Variants in XKR4 observed in about 807,000 individuals in gnomAD.
XKR4 encodes XK-related protein 4.
Under a neutral mutation model 53.9 loss-of-function variants are expected in XKR4, and 12 were observed. The ratio of observed to expected loss-of-function variants is 0.22; its 90% CI spans 0.14 to 0.36. The LOEUF (loss-of-function observed/expected upper bound fraction) is 0.36, where lower values mean the gene tolerates loss of function less well. Among genes scored for constraint, XKR4 ranks in the 10% least tolerant of loss-of-function variants. The pLI, the probability that XKR4 is intolerant of heterozygous loss-of-function variation, is 1.00. For synonymous variants in XKR4, 354 were observed against 362.4 expected (o/e 0.98, Z 0.26); for missense variants, 799 against 859.5 (o/e 0.93, Z 0.88).
At chr8:55,361,025 CA>C (rs1318600979) in intron 2 of XKR4, among the ~76,000 whole-genome samples, 1 of 152,208 alleles carries the variant, frequency 6.6e-6, no homozygotes, top group Non-Finnish European at 1.5e-5. Flanking sequence ...CCTGAATATG[CA>C]GCTCTTCACG....
chr8:55,264,538 C>T (rs188171128), intron 1 of XKR4, among the ~76,000 whole-genome samples: 16 of 152,330 alleles, frequency 1.1e-4, no homozygotes, highest in Admixed American at 2.0e-4. Flanking sequence ...TTCACTGGCT[C>T]TTCTCCAGAT....
At chr8:55,273,784 A>G (rs933878202) in intron 1 of XKR4, among the ~76,000 whole-genome samples, 8 of 152,176 alleles carry the variant, frequency 5.3e-5, no homozygotes, top group Non-Finnish European at 8.8e-5. Context: ...ATACTCTGGG[A>G]GACTGATTTG....
chr8:55,450,925 C>A, intron 2 of XKR4: 1 of 487,756 alleles, frequency 2.1e-6, no homozygotes, highest in Non-Finnish European at 3.9e-6. Context: ...ATCAGCCACT[C>A]TGAGTCCTCC....
intron 1 of XKR4, among the ~76,000 whole-genome samples, chr8:55,173,978 A>C (rs767173925): frequency 6.6e-6 from 1 of 152,242 alleles, no homozygotes; most frequent in Non-Finnish European, 1.5e-5. Flanking sequence ...GGATGTGAGC[A>C]TTTGAAGCAT....
At position 55,257,460 on chromosome 8, in the gene XKR4, G is replaced by C. The variant is rs56976450; in HGVS notation, c.807-100218G>C. ...GAGGGGAGAAAATGAGAGAGAGAGA[G>C]AGAGAAAGAGAGAGAAAGGGCATGT... On this transcript the variant is annotated intron_variant, in intron 1 of 2. Coordinates refer to ENST00000327381, the MANE Select transcript of XKR4 (RefSeq NM_052898.2). Among the ~76,000 whole-genome samples, 390 of 151,942 alleles carry C rather than the reference G, an allele frequency of 2.6e-3. 2 individuals carry two copies. Among genetic ancestry groups the C allele is most frequent in the African/African-American group, 8.8e-3 (365 of 41,420 alleles).
intron 1 of XKR4, among the ~76,000 whole-genome samples, chr8:55,109,411 A>G (rs933645431): frequency 3.3e-5 from 5 of 152,128 alleles, no homozygotes; most frequent in Non-Finnish European, 5.9e-5. Context: ...GCCACTTTAA[A>G]ATCTATTCGT....
chr8:55,420,605 A>C (rs1804912709), intron 2 of XKR4, among the ~76,000 whole-genome samples: 1 of 132,990 alleles, frequency 7.5e-6, no homozygotes, highest in Admixed American at 8.7e-5. Context: ...TGGACACAGG[A>C]AGGGGAACAT....
chr8:55,131,684 T>C (rs1816556472), intron 1 of XKR4, among the ~76,000 whole-genome samples: 1 of 152,196 alleles, frequency 6.6e-6, no homozygotes, highest in Non-Finnish European at 1.5e-5. Context: ...CAGCATCTTC[T>C]TGATATTGAG....
At position 55,266,449 on chromosome 8, in the gene XKR4, G is replaced by A. The variant is rs1585976629; in HGVS notation, c.807-91229G>A. Among the ~76,000 whole-genome samples, 5 of 152,112 alleles carry A rather than the reference G, an allele frequency of 3.3e-5. 1 individual carries two copies. The South Asian group carries it at 1.0e-3, about 32-fold the overall frequency. On this transcript the variant is annotated intron_variant, in intron 1 of 2. Transcript: ENST00000327381. ...GGACACAGATTTAATCTGCGAAGAG[G>A]GTAATAGAGCAGAAAGAGTGCCCGT...
intron 2 of XKR4, among the ~76,000 whole-genome samples, chr8:55,372,967 T>C (rs188382835): frequency 9.9e-5 from 15 of 152,266 alleles, no homozygotes; most frequent in Middle Eastern, 6.8e-3. Context: ...TGTAAACGTT[T>C]GTTAGGATAA....
intron 1 of XKR4, among the ~76,000 whole-genome samples, chr8:55,254,497 C>T (rs1316265074): frequency 6.6e-6 from 1 of 152,150 alleles, no homozygotes; most frequent in Admixed American, 6.5e-5. Context: ...TGACCTTTTT[C>T]AGTGTCTTGC....
chr8:55,475,342 T>A (rs1051779356), intron 2 of XKR4, among the ~76,000 whole-genome samples: 2 of 152,082 alleles, frequency 1.3e-5, no homozygotes, highest in African/African-American at 4.8e-5. Context: ...AAATGTGGAT[T>A]GTCTTATTTC....
At chr8:55,267,378 C>A (rs1455127449) in intron 1 of XKR4, among the ~76,000 whole-genome samples, 1 of 152,136 alleles carries the variant, frequency 6.6e-6, no homozygotes, top group Admixed American at 6.5e-5. Context: ...TTTCCAGCAA[C>A]CCTGTGGAGT....
intron 2 of XKR4, among the ~76,000 whole-genome samples, chr8:55,479,209 A>G (rs1368822998): frequency 1.3e-5 from 2 of 152,150 alleles, no homozygotes; most frequent in Non-Finnish European, 2.9e-5. Flanking sequence ...CTCTCAGACC[A>G]CAGTGCAATC....
chr8:55,173,675 A>G (rs1817193417), intron 1 of XKR4, among the ~76,000 whole-genome samples: 1 of 152,228 alleles, frequency 6.6e-6, no homozygotes, highest in Non-Finnish European at 1.5e-5. Flanking sequence ...TAGGTCAATT[A>G]CAAGGCTAGA....
chr8:55,463,410 A>G (rs962634856), intron 2 of XKR4, among the ~76,000 whole-genome samples: 9 of 151,486 alleles, frequency 5.9e-5, no homozygotes, highest in Non-Finnish European at 1.3e-4. Flanking sequence ...AGAAATAAAG[A>G]TGTTCTTTGA....
At chr8:55,509,917 T>C (rs1806601658) in intron 2 of XKR4, among the ~76,000 whole-genome samples, 1 of 152,216 alleles carries the variant, frequency 6.6e-6, no homozygotes, top group Non-Finnish European at 1.5e-5. Context: ...TCCTTTGGGC[T>C]TTGTTTTCTG....
chr8:55,133,908 G>A (rs976311088), intron 1 of XKR4, among the ~76,000 whole-genome samples: 14 of 152,168 alleles, frequency 9.2e-5, no homozygotes, highest in Non-Finnish European at 1.8e-4. Context: ...ATTGTTAGAA[G>A]CTTCTCAGCT....
chr8:55,103,876 T>C (rs1424462093), intron 1 of XKR4, among the ~76,000 whole-genome samples: 2 of 143,286 alleles, frequency 1.4e-5, no homozygotes, highest in Non-Finnish European at 3.0e-5. Flanking sequence ...TATATATATA[T>C]ATATATATAT....
Sources: allele counts gnomAD v4.1 joint callset (sites outside exome capture counted in the v4.1 genomes callset), GRCh38; gene constraint gnomAD v4.1.1; transcripts MANE v1.5; gene names NCBI Gene and HGNC (gene_info 2026-07-23, HGNC 2026-07-21).